The following COL23A1 variants were observed in gnomAD, a reference collection of about 807,000 sequenced individuals.
COL23A1 encodes the protein collagen type XXIII alpha 1 chain.
In COL23A1, 97 loss-of-function variants were observed where a neutral mutation model predicts 99.3. The ratio of observed to expected loss-of-function variants is 0.98; its 90% confidence interval spans 0.83 to 1.16. The LOEUF (loss-of-function observed/expected upper bound fraction) is 1.16, where lower values mean the gene tolerates loss of function less well. Ranked by LOEUF, COL23A1 falls within the 50% of genes most tolerant of loss-of-function variation. COL23A1 has a pLI of 0.00. For synonymous variants in COL23A1, 320 were observed against 308.2 expected, an observed-to-expected ratio of 1.04 and a Z score of -0.40; for missense variants, 762 against 757.4, an observed-to-expected ratio of 1.01 and a Z score of -0.07.
chr5:178,467,769 T>C (rs1288513434), intron 2 of COL23A1, among the ~76,000 whole-genome samples: 4 of 152,164 alleles, frequency 2.6e-5, no homozygotes, highest in African/African-American at 7.2e-5. Flanking sequence ...CATTATACAC[T>C]ATGGTAAACA....
rs115066828 is a variant in COL23A1 at position 178,251,169 on chromosome 5, C to T, written c.1015-1064G>A. The stretch of plus-strand genomic sequence containing the variant: ...TCCCAAGTAGCTGGGATTACAAGTG[C>T]GCACAACCACACCCAGTTGATTTTT... On this transcript the variant is annotated intron_variant, in intron 17 of 28. Coordinates refer to ENST00000390654, the MANE Select transcript of COL23A1 (RefSeq NM_173465.4). 9.4e-3 allele frequency among the ~76,000 whole-genome samples: 1,422 copies of T among 151,784 alleles called. 21 individuals are homozygous for T. Among genetic ancestry groups the T allele is most frequent in the African/African-American group, 0.033 (1,364 of 41,282 alleles).
intron 2 of COL23A1, among the ~76,000 whole-genome samples, chr5:178,331,856 C>CGG (rs1030626286): frequency 7.2e-5 from 11 of 152,194 alleles, no homozygotes; most frequent in Admixed American, 2.0e-4. Context: ...ACCGGCAGCC[C>CGG]GGGCAGTCAG....
intron 2 of COL23A1, among the ~76,000 whole-genome samples, chr5:178,389,085 G>C (rs1763820758): frequency 6.6e-6 from 1 of 151,516 alleles, no homozygotes; most frequent in Non-Finnish European, 1.5e-5. Context: ...GCCTTGACTG[G>C]TTCCCCAAAC....
chr5:178,425,014 C>T (rs1372255508), intron 2 of COL23A1, among the ~76,000 whole-genome samples: 1 of 152,232 alleles, frequency 6.6e-6, no homozygotes, highest in Non-Finnish European at 1.5e-5. Context: ...CAGCCTCTCT[C>T]CACCGACCAC....
intron 2 of COL23A1, among the ~76,000 whole-genome samples, chr5:178,505,002 C>T (rs537276454): frequency 2.0e-5 from 3 of 152,148 alleles, no homozygotes; most frequent in African/African-American, 4.8e-5. Flanking sequence ...GTGGCCATAA[C>T]GAAGTTCCAC....
At chr5:178,397,649 T>G (rs1183499291) in intron 2 of COL23A1, among the ~76,000 whole-genome samples, 1 of 152,218 alleles carries the variant, frequency 6.6e-6, no homozygotes, top group Admixed American at 6.5e-5. Flanking sequence ...CCTGTAATAA[T>G]GTGATGCGAA....
At chr5:178,246,579 G>A in intron 22 of COL23A1, 126 bp from the exon 23 acceptor site, 10 of 938,108 alleles carry the variant, frequency 1.1e-5, no homozygotes, top group Non-Finnish European at 1.6e-5. Context: ...CCCCAGGCCT[G>A]GCCCCAGCTT....
intron 2 of COL23A1, among the ~76,000 whole-genome samples, chr5:178,548,480 T>TC (rs1331540289): frequency 1.3e-5 from 2 of 150,976 alleles, no homozygotes; most frequent in East Asian, 2.0e-4. Flanking sequence ...TCTCCCTTGC[T>TC]CCCCCTCACT....
chr5:178,345,233 A>G lies in COL23A1; in HGVS notation c.362-38314T>C, dbSNP rs552343324. On this transcript the variant is annotated intron_variant, in intron 2 of 28. Transcript: ENST00000390654. ...GGTTAGAGATGTTCTTGATTTCTAT[A>G]ATGTCCCTATTCAAGACAGACCTAA... 2,965 of 854,338 alleles carry G rather than the reference A, an allele frequency of 3.5e-3. 14 individuals carry two copies. Among genetic ancestry groups the G allele is most frequent in the Non-Finnish European group, 3.5e-3 (1,882 of 531,560 alleles). 52.9% of individuals were successfully genotyped at this position (854,338 alleles called of 1,614,324 possible).
intron 2 of COL23A1, among the ~76,000 whole-genome samples, chr5:178,398,856 T>G (rs1181070662): frequency 6.6e-6 from 1 of 152,226 alleles, no homozygotes; most frequent in Non-Finnish European, 1.5e-5. Context: ...AGGCTGTGAG[T>G]GCTCAGGGCA....
chr5:178,471,173 A>G (rs1285708993), intron 2 of COL23A1, among the ~76,000 whole-genome samples: 2 of 152,210 alleles, frequency 1.3e-5, no homozygotes, highest in Non-Finnish European at 2.9e-5. Context: ...TGCACAAGGG[A>G]CAGTGCAGTT....
Position 178,589,637 on chromosome 5 carries a change from T to C in COL23A1, c.294+267A>G, listed in dbSNP as rs985640443. ...TGACCCTAGGTCTGTTACTCCAAAG[T>C]CCCTGGTCTCTCCTTCCCCTTTCTC... On this transcript the variant is annotated intron_variant, in intron 1 of 28. Coordinates refer to ENST00000390654, the MANE Select transcript of COL23A1 (RefSeq NM_173465.4). The surrounding 1 kb of genome is among the most constrained non-coding windows in gnomAD (Gnocchi z 5.4). Among the ~76,000 whole-genome samples, 1 of 152,216 alleles carries C rather than the reference T, an allele frequency of 6.6e-6. No homozygotes were observed. Among genetic ancestry groups the C allele is most frequent in the East Asian group, 1.9e-4 (1 of 5,150 alleles).
At chr5:178,279,730 C>T (rs922161065) in intron 5 of COL23A1, among the ~76,000 whole-genome samples, 4 of 152,166 alleles carry the variant, frequency 2.6e-5, no homozygotes, top group Admixed American at 6.5e-5. Flanking sequence ...CTTACCATCC[C>T]GGCCCATCTT....
intron 5 of COL23A1, among the ~76,000 whole-genome samples, chr5:178,275,848 C>A (rs571675214): frequency 6.6e-6 from 1 of 152,254 alleles, no homozygotes; most frequent in Non-Finnish European, 1.5e-5. Context: ...CGATCAATGA[C>A]CCCAATTTTC....
intron 4 of COL23A1, among the ~76,000 whole-genome samples, chr5:178,289,072 C>T (rs1280488359): frequency 6.6e-6 from 1 of 152,150 alleles, no homozygotes; most frequent in Non-Finnish European, 1.5e-5. Context: ...AAGAACTCAG[C>T]TGCCAAACAT....
chr5:178,350,555 G>A (rs1177601282), intron 2 of COL23A1, among the ~76,000 whole-genome samples: 4 of 152,350 alleles, frequency 2.6e-5, no homozygotes, highest in South Asian at 2.1e-4. Flanking sequence ...CACAGGTAGC[G>A]TGTGGCTGCC....
chr5:178,368,102 A>G (rs906201070), intron 2 of COL23A1, among the ~76,000 whole-genome samples: 4 of 152,202 alleles, frequency 2.6e-5, no homozygotes, highest in African/African-American at 9.7e-5. Context: ...GATGCGTCGA[A>G]AGGGCAGGCA....
intron 2 of COL23A1, among the ~76,000 whole-genome samples, chr5:178,483,498 C>A (rs924306140): frequency 6.6e-6 from 1 of 152,318 alleles, no homozygotes; most frequent in East Asian, 1.9e-4. Flanking sequence ...AGCACCCCAG[C>A]TGACTACAAC....
intron 2 of COL23A1, among the ~76,000 whole-genome samples, chr5:178,357,796 ATGTG>A (rs72411503): frequency 1.2e-4 from 15 of 128,036 alleles, no homozygotes; most frequent in East Asian, 4.8e-4. Flanking sequence ...GTGTGTGTGT[ATGTG>A]TGTGTGTATG....
Sources: allele counts gnomAD v4.1 joint callset (sites outside exome capture counted in the v4.1 genomes callset), GRCh38; gene constraint gnomAD v4.1.1; non-coding constraint Gnocchi (gnomAD v3.1); transcripts MANE v1.5; gene names NCBI Gene and HGNC (gene_info 2026-07-23, HGNC 2026-07-21).